The following SLC7A8 variants were observed in gnomAD, a reference collection of about 807,000 sequenced individuals.
The protein encoded by SLC7A8 is solute carrier family 7 member 8, also known as large neutral amino acids transporter small subunit 2.
SLC7A8 carries 30 observed loss-of-function variants against 51.2 expected under a neutral mutation model. That is an observed-to-expected ratio of 0.59 (90% CI 0.44 to 0.80). SLC7A8 has a LOEUF of 0.80. SLC7A8 is among the 30% of genes least tolerant of loss of function. The pLI, the probability that SLC7A8 is intolerant of heterozygous loss-of-function variation, is 0.00. For missense variants in SLC7A8, 612 were observed against 674.4 expected, an observed-to-expected ratio of 0.91 and a Z score of 1.03; for synonymous variants, 257 against 275.8, an observed-to-expected ratio of 0.93 and a Z score of 0.67.
chr14:23,149,713 C>T (rs2048829922), intron 3 of SLC7A8, among the ~76,000 whole-genome samples: 1 of 152,190 alleles, frequency 6.6e-6, no homozygotes, highest in Non-Finnish European at 1.5e-5. Context: ...GCTCAGTCAA[C>T]CCATTTTTAA....
At chr14:23,138,702 G>A (rs765132995) in intron 6 of SLC7A8, among the ~76,000 whole-genome samples, 4 of 152,222 alleles carry the variant, frequency 2.6e-5, no homozygotes, top group Non-Finnish European at 4.4e-5. Context: ...ACTATACAAT[G>A]CAGGAGACCA....
Position 23,182,982 on chromosome 14 carries a change from T to C in SLC7A8, c.-68A>G. 31 of 1,600,966 alleles carry C rather than the reference T, an allele frequency of 1.9e-5. No homozygotes were observed. Among genetic ancestry groups the C allele is most frequent in the Non-Finnish European group, 2.4e-5 (28 of 1,169,946 alleles). On this transcript the variant is annotated 5_prime_UTR_variant, in exon 1 of 11. Coordinates refer to ENST00000316902, the MANE Select transcript of SLC7A8 (RefSeq NM_012244.4). Reference sequence around the variant, plus strand: ...TAAATGCGTATTCGTGTAAATATATTGGGAGAGAGCTTTGAATTAGAACGT... The same window carrying C: ...TAAATGCGTATTCGTGTAAATATATCGGGAGAGAGCTTTGAATTAGAACGT...
intron 4 of SLC7A8, among the ~76,000 whole-genome samples, chr14:23,142,294 G>A (rs1017783699): frequency 6.6e-6 from 1 of 152,180 alleles, no homozygotes; most frequent in Admixed American, 6.5e-5. Context: ...CCTCAGGCTT[G>A]GAAAGGGCCA....
chr14:23,131,999 A>ATTTT (rs1201371313), intron 7 of SLC7A8, among the ~76,000 whole-genome samples: 86 of 98,158 alleles, frequency 8.8e-4, no homozygotes, highest in African/African-American at 2.9e-3. Context: ...AAAACACTCT[A>ATTTT]TTTTTTTTTT....
chr14:23,145,382 T>C (rs572004964), intron 3 of SLC7A8, among the ~76,000 whole-genome samples: 3 of 151,166 alleles, frequency 2.0e-5, no homozygotes, highest in African/African-American at 7.3e-5. Context: ...AAAAATTAGC[T>C]GGGCGTGGTG....
At chr14:23,160,337 C>T (rs779646899) in intron 3 of SLC7A8, among the ~76,000 whole-genome samples, 1 of 152,096 alleles carries the variant, frequency 6.6e-6, no homozygotes, top group Middle Eastern at 3.4e-3. Context: ...TTTGGGAGGC[C>T]AAGGCGGGTG....
At chr14:23,132,930 C>A (rs1378677749) in intron 7 of SLC7A8, among the ~76,000 whole-genome samples, 2 of 151,064 alleles carry the variant, frequency 1.3e-5, no homozygotes, top group African/African-American at 2.4e-5. Context: ...GCCACTATGC[C>A]CAGCCTATGA....
In SLC7A8 at chr14:23,143,148, T is replaced by A. The variant is rs756336452; in HGVS notation, c.565A>T (p.Ile189Phe). Reference protein sequence around the residue: ...SVRWATRVQDIFTAGKLLALA... With the variant: ...SVRWATRVQDFFTAGKLLALA... ...GCCAGGAGCTTCCCAGCTGTGAAGA[T>A]GTCTTGAACCCGGGTGGCCCACCGC... Residue 189 changes from isoleucine to phenylalanine, a missense_variant, in exon 4 of 11, where the codon ATC (isoleucine) becomes TTC (phenylalanine). Ile to Phe is a conservative substitution (Grantham distance 21). Coordinates refer to ENST00000316902, the MANE Select transcript of SLC7A8 (RefSeq NM_012244.4). 5.0e-6 allele frequency: 8 copies of A among 1,614,224 alleles called. No individual in the cohort carries two copies. The highest frequency in any genetic ancestry group is 6.8e-6 in the Non-Finnish European group (8 of 1,180,032).
chr14:23,167,821 C>T (rs1245785434), intron 1 of SLC7A8, among the ~76,000 whole-genome samples: 1 of 152,090 alleles, frequency 6.6e-6, no homozygotes, highest in Non-Finnish European at 1.5e-5. Context: ...AAGGACATCT[C>T]AAGCCTCCGT....
In SLC7A8 at chr14:23,140,457, C is replaced by A. The variant is rs776612363; in HGVS notation, c.788+14G>T. The A allele has an allele frequency of 4.4e-6, 7 of 1,589,790 alleles. No homozygotes were observed. Among genetic ancestry groups the A allele is most frequent in the Non-Finnish European group, 6.0e-6 (7 of 1,161,186 alleles). Reference sequence around the variant, plus strand: ...CTTCAAGGGAGAGGGAATAGCCAGGCTCTTTCAACTCACTTGTAGGGATCA... The same window carrying A: ...CTTCAAGGGAGAGGGAATAGCCAGGATCTTTCAACTCACTTGTAGGGATCA... On this transcript the variant is annotated intron_variant, in intron 5 of 10. Transcript: ENST00000316902.
chr14:23,173,116 A>G (rs1439344298), intron 1 of SLC7A8, among the ~76,000 whole-genome samples: 1 of 152,200 alleles, frequency 6.6e-6, no homozygotes, highest in African/African-American at 2.4e-5. Context: ...ACTGACTGCT[A>G]TTATTCAATA....
intron 6 of SLC7A8, 29 bp from the exon 7 acceptor site, chr14:23,138,053 A>T: frequency 6.2e-7 from 1 of 1,613,128 alleles, no homozygotes; most frequent in Non-Finnish European, 8.5e-7. Context: ...AGATAAGCAA[A>T]GGAGAGGTCA....
intron 1 of SLC7A8, among the ~76,000 whole-genome samples, chr14:23,168,347 C>G (rs2048960166): frequency 6.6e-6 from 1 of 152,192 alleles, no homozygotes; most frequent in African/African-American, 2.4e-5. Context: ...TGGACACGTT[C>G]CCCCTTCCAG....
intron 1 of SLC7A8, among the ~76,000 whole-genome samples, chr14:23,168,964 G>A (rs976381239): frequency 6.6e-6 from 1 of 152,172 alleles, no homozygotes; most frequent in South Asian, 2.1e-4. Context: ...GTGATTGCGA[G>A]GGTCACAGTA....
At chr14:23,135,518 T>C (rs890526695) in intron 7 of SLC7A8, among the ~76,000 whole-genome samples, 18 of 151,614 alleles carry the variant, frequency 1.2e-4, no homozygotes, top group African/African-American at 2.4e-4. Context: ...CTGGCTAACA[T>C]GGTGAAACCC....
At chr14:23,154,996 G>GCC (rs2048880107) in intron 3 of SLC7A8, among the ~76,000 whole-genome samples, 1 of 15,284 alleles carries the variant, frequency 6.5e-5, no homozygotes, top group African/African-American at 1.8e-4. Context: ...CCACACAACA[G>GCC]ACAAAAAAAA....
intron 7 of SLC7A8, among the ~76,000 whole-genome samples, chr14:23,137,206 C>T (rs2140308865): frequency 6.6e-6 from 1 of 152,312 alleles, no homozygotes; most frequent in African/African-American, 2.4e-5. Flanking sequence ...GGAGGCAGGA[C>T]CTGGGACTCG....
In SLC7A8 at chr14:23,128,275, C is replaced by G; in HGVS notation, c.1264-79G>C. On this transcript the variant is annotated intron_variant, in intron 9 of 10. Coordinates refer to ENST00000316902, the MANE Select transcript of SLC7A8 (RefSeq NM_012244.4). This position sits in a 1 kb window ranked among gnomAD's most constrained non-coding sequence, Gnocchi z 4.3. Reference sequence around the variant, plus strand: ...GACTAGGGACTGGGGCATTCTCTCTCTTCTTCACCCACAGAGACACATCCT... The same window carrying G: ...GACTAGGGACTGGGGCATTCTCTCTGTTCTTCACCCACAGAGACACATCCT... The G allele has an allele frequency of 6.3e-7, 1 of 1,579,274 alleles. No individual in the cohort carries two copies. The highest frequency in any genetic ancestry group is 8.6e-7 in the Non-Finnish European group (1 of 1,163,154).
intron 6 of SLC7A8, chr14:23,138,307 G>C: frequency 2.9e-6 from 1 of 348,644 alleles, no homozygotes; most frequent in Admixed American, 4.3e-5. Context: ...GAGTCACATA[G>C]TGATTAAGTA....
Sources: allele counts gnomAD v4.1 joint callset (sites outside exome capture counted in the v4.1 genomes callset), GRCh38; gene constraint gnomAD v4.1.1; non-coding constraint Gnocchi (gnomAD v3.1); transcripts MANE v1.5; gene names NCBI Gene and HGNC (gene_info 2026-07-23, HGNC 2026-07-21).